The following IGF1R variants were observed in gnomAD, a reference collection of about 807,000 sequenced individuals.
The protein encoded by IGF1R is insulin-like growth factor 1 receptor.
In IGF1R, 44 loss-of-function variants were observed where a neutral mutation model predicts 144.6. The ratio of observed to expected loss-of-function variants is 0.30; its 90% CI spans 0.24 to 0.39. The LOEUF is 0.39. Among genes scored for constraint, IGF1R ranks in the 10% least tolerant of loss-of-function variants. The pLI is 1.00. For missense variants in IGF1R, 1,355 were observed against 1,833.7 expected (o/e 0.74, Z 4.77); for synonymous variants, 795 against 722.8 (o/e 1.10, Z -1.60).
At chr15:98,850,779 A>T (rs1183054021) in intron 2 of IGF1R, among the ~76,000 whole-genome samples, 2 of 152,096 alleles carry the variant, frequency 1.3e-5, no homozygotes, top group Admixed American at 1.3e-4. Flanking sequence ...GTTAGCAAGA[A>T]ACTAGGTAGG....
At chr15:98,915,709 C>G (rs190795660) in intron 8 of IGF1R, among the ~76,000 whole-genome samples, 12 of 152,310 alleles carry the variant, frequency 7.9e-5, no homozygotes, top group Admixed American at 7.2e-4. Flanking sequence ...CCCCCGCAGC[C>G]TTTTTCCATT....
intron 2 of IGF1R, among the ~76,000 whole-genome samples, chr15:98,727,751 C>T (rs1455772929): frequency 6.6e-6 from 1 of 152,130 alleles, no homozygotes; most frequent in Non-Finnish European, 1.5e-5. Flanking sequence ...CCGGGTGGGT[C>T]CAGCACCCGC....
chr15:98,691,817 C>T (rs1221136348), intron 1 of IGF1R, among the ~76,000 whole-genome samples: 1 of 152,180 alleles, frequency 6.6e-6, no homozygotes, highest in Non-Finnish European at 1.5e-5. Context: ...TGGGGACATA[C>T]ATCTATTTGC....
chr15:98,705,591 C>T (rs79736592), intron 1 of IGF1R, among the ~76,000 whole-genome samples: 7,872 of 152,206 alleles, frequency 0.052, 294 homozygotes, highest in African/African-American at 0.1. Flanking sequence ...TATGAAGTTT[C>T]ACATTCTAAG....
At chr15:98,923,694 C>T in intron 11 of IGF1R, 182 bp from the exon 12 acceptor site, 2 of 617,328 alleles carry the variant, frequency 3.2e-6, no homozygotes, top group Non-Finnish European at 5.8e-6. Context: ...CGCTCAGGGG[C>T]AGTGTACGTG....
At chr15:98,718,497 T>C (rs2054173851) in intron 2 of IGF1R, among the ~76,000 whole-genome samples, 1 of 152,192 alleles carries the variant, frequency 6.6e-6, no homozygotes, top group African/African-American at 2.4e-5. Flanking sequence ...CCACCCTTCA[T>C]GCAGAAGGTG....
At chr15:98,951,591 C>T (rs375962750) in intron 20 of IGF1R, among the ~76,000 whole-genome samples, 108 of 152,350 alleles carry the variant, frequency 7.1e-4, no homozygotes, top group South Asian at 3.3e-3. Context: ...GCCCTTCTCG[C>T]GGTTGCAGCC....
At chr15:98,755,064 A>C (rs2055114282) in intron 2 of IGF1R, among the ~76,000 whole-genome samples, 1 of 152,222 alleles carries the variant, frequency 6.6e-6, no homozygotes, top group African/African-American at 2.4e-5. Context: ...GTGTAAAATA[A>C]AAGATATATA....
chr15:98,839,124 G>A (rs1288889280), intron 2 of IGF1R, among the ~76,000 whole-genome samples: 2 of 152,206 alleles, frequency 1.3e-5, no homozygotes, highest in Non-Finnish European at 2.9e-5. Flanking sequence ...ATGACAGCTG[G>A]AGCTGACACT....
chr15:98,716,324 C>CTT (rs1484113382), intron 2 of IGF1R, among the ~76,000 whole-genome samples: 1 of 152,182 alleles, frequency 6.6e-6, no homozygotes, highest in Admixed American at 6.5e-5. Flanking sequence ...CTCTCTGTCT[C>CTT]TCTCTCTCTC....
At chr15:98,859,161 AC>A (rs1352401439) in intron 2 of IGF1R, among the ~76,000 whole-genome samples, 1 of 152,198 alleles carries the variant, frequency 6.6e-6, no homozygotes, top group African/African-American at 2.4e-5. Context: ...CATTGCAGTT[AC>A]AAAGCCCATG....
In IGF1R at chr15:98,922,455, C is replaced by T. The variant is rs141503456; in HGVS notation, c.2485+24C>T. On this transcript the variant is annotated intron_variant, in intron 11 of 20. Transcript: ENST00000650285. ...AGGTATGGTATGATCCAGCTGGCCCCATTGCCACCTTCCTCACAACCTAGT... is the reference window on the plus strand; with the variant it reads ...AGGTATGGTATGATCCAGCTGGCCCTATTGCCACCTTCCTCACAACCTAGT... The T allele has an allele frequency of 6.4e-4, 1,030 of 1,603,416 alleles. 9 individuals carry two copies. The African/African-American group carries it at 0.012, about 19-fold the overall frequency.
At position 98,649,675 on chromosome 15, in the gene IGF1R, AGT is replaced by A; in HGVS notation, c.94+2_94+3del. ...CTCGCTCTGGCCGACGAGTGGAGAA[AGT>A]GAGTATGTGCCCGCCGCCCGCGGCC... On this transcript the variant is annotated splice_donor_variant, in intron 1 of 20. Transcript: ENST00000650285. LOFTEE classifies it high-confidence loss of function. 1.2e-6 allele frequency: 2 copies of A among 1,606,784 alleles called. No individual in the cohort carries two copies. Among genetic ancestry groups the A allele is most frequent in the Non-Finnish European group, 1.7e-6 (2 of 1,175,764 alleles).
At chr15:98,912,522 G>T (rs1279354553) in intron 7 of IGF1R, among the ~76,000 whole-genome samples, 1 of 152,230 alleles carries the variant, frequency 6.6e-6, no homozygotes, top group Non-Finnish European at 1.5e-5. Context: ...ATGTCAGCTG[G>T]TAATTTCACT....
At position 98,928,585 on chromosome 15, in the gene IGF1R, C is replaced by T. The variant is rs115733842; in HGVS notation, c.2783-973C>T. ...CAGTATCATCATTTTCTAGGAAAGC[C>T]ATTTCCCCACAACCCCCAAGGAAAG... is the stretch of plus-strand genomic sequence containing the variant. On this transcript the variant is annotated intron_variant, in intron 13 of 20. Transcript: ENST00000650285. Among the ~76,000 whole-genome samples, 630 of 152,340 alleles carry T rather than the reference C, an allele frequency of 4.1e-3. 3 individuals carry two copies. Among genetic ancestry groups the T allele is most frequent in the African/African-American group, 0.014 (572 of 41,582 alleles).
rs1327274058 is a variant in IGF1R at position 98,963,562 on chromosome 15, T to G, written c.*6120T>G. ...CGGCATCTGGCTTGATTGGTCTGGC[T>G]GCCGTCATTGTCAGCACAGTGCCAT... is the stretch of plus-strand genomic sequence containing the variant. On this transcript the variant is annotated 3_prime_UTR_variant, in exon 21 of 21. Transcript: ENST00000650285. 4.3e-6 allele frequency: 1 copy of G among 233,194 alleles called. No individual in the cohort carries two copies. Among genetic ancestry groups the G allele is most frequent in the Non-Finnish European group, 8.5e-6 (1 of 118,070 alleles). The allele number at this position is 233,194 out of a possible 1,614,324, so 14.4% of individuals were successfully genotyped here.
intron 2 of IGF1R, among the ~76,000 whole-genome samples, chr15:98,877,222 T>C (rs1490230404): frequency 6.6e-6 from 1 of 152,160 alleles, no homozygotes; most frequent in Non-Finnish European, 1.5e-5. Flanking sequence ...CACAAAGCCA[T>C]CTAAAACAAA....
Position 98,962,395 on chromosome 15 carries a change from G to T in IGF1R, c.*4953G>T, listed in dbSNP as rs1467350374. On this transcript the variant is annotated 3_prime_UTR_variant, in exon 21 of 21. Coordinates refer to ENST00000650285, the MANE Select transcript of IGF1R (RefSeq NM_000875.5). Reference sequence around the variant, plus strand: ...AAGCAGCATTGGGAGATGTGGACCAGAGATCCACTCCTTAAGAACCAGTGG... The same window carrying T: ...AAGCAGCATTGGGAGATGTGGACCATAGATCCACTCCTTAAGAACCAGTGG... 8.6e-6 allele frequency: 2 copies of T among 233,616 alleles called. No homozygotes were observed. Among genetic ancestry groups the T allele is most frequent in the South Asian group, 1.8e-4 (1 of 5,536 alleles). The allele number at this position is 233,616 out of a possible 1,614,324, so 14.5% of individuals were successfully genotyped here. A position where few individuals can be genotyped will look rare whatever the true frequency, so the allele number is the denominator to read the frequency against.
At chr15:98,855,422 G>C (rs1470881374) in intron 2 of IGF1R, among the ~76,000 whole-genome samples, 4 of 152,192 alleles carry the variant, frequency 2.6e-5, no homozygotes, top group African/African-American at 9.6e-5. Flanking sequence ...CAGGTACTTA[G>C]GAAGTGAGTT....
Sources: allele counts gnomAD v4.1 joint callset (sites outside exome capture counted in the v4.1 genomes callset), GRCh38; gene constraint gnomAD v4.1.1; transcripts MANE v1.5; gene names NCBI Gene and HGNC (gene_info 2026-07-23, HGNC 2026-07-21).